Variants in FBXO34 observed in about 807,000 individuals in gnomAD.
FBXO34 encodes the protein F-box only protein 34.
FBXO34 carries 12 observed loss-of-function variants against 24.5 expected under a neutral mutation model. The observed-to-expected ratio is 0.49, with a 90% CI of 0.31 to 0.79. The LOEUF (loss-of-function observed/expected upper bound fraction) is 0.79. Among genes scored for constraint, FBXO34 ranks in the 30% least tolerant of loss-of-function variants. The probability of loss-of-function intolerance (pLI) is 0.04; values close to 1 mark genes in which losing one functional copy is unlikely to be tolerated. For missense variants in FBXO34, 823 were observed against 857.7 expected (o/e 0.96, Z 0.51); for synonymous variants, 320 against 311.9 (o/e 1.03, Z -0.27).
chr14:55,291,463 GA>G (rs1216569671), intron 1 of FBXO34, among the ~76,000 whole-genome samples: 4 of 152,158 alleles, frequency 2.6e-5, no homozygotes, highest in African/African-American at 9.7e-5. Context: ...AGGTAGATGA[GA>G]AACCCTTCTA....
chr14:55,298,498 T>G (rs140904777), intron 1 of FBXO34: 1 of 596,164 alleles, frequency 1.7e-6, no homozygotes, highest in Non-Finnish European at 3.0e-6. Context: ...TGAGCCCTTA[T>G]GTTTGTACCA....
the FBXO34 span, among the ~76,000 whole-genome samples, chr14:55,415,682 C>T: frequency 2.0e-5 from 3 of 151,828 alleles, no homozygotes; most frequent in Non-Finnish European, 4.4e-5. Context: ...CTGGCCAACA[C>T]GGCGAAACCC....
the FBXO34 span, among the ~76,000 whole-genome samples, chr14:55,415,520 A>G: frequency 2.0e-5 from 3 of 152,174 alleles, no homozygotes. Context: ...CACTATTCAC[A>G]CTTGCCAAAA....
At chr14:55,313,372 A>G (rs995323660) in intron 1 of FBXO34, among the ~76,000 whole-genome samples, 2 of 152,168 alleles carry the variant, frequency 1.3e-5, no homozygotes, top group Admixed American at 1.3e-4. Context: ...AGTTTCTAGG[A>G]AGTTCCAAAC....
the FBXO34 span, among the ~76,000 whole-genome samples, chr14:55,431,062 G>A: frequency 6.6e-6 from 1 of 152,234 alleles, no homozygotes; most frequent in African/African-American, 2.4e-5. Context: ...CACCCATACT[G>A]GTGTTAACTA....
the FBXO34 span, chr14:55,428,738 C>A: frequency 6.9e-7 from 1 of 1,452,074 alleles, no homozygotes; most frequent in Non-Finnish European, 9.3e-7. Flanking sequence ...AGATACTTTA[C>A]GTAAGCAACC....
the FBXO34 span, chr14:55,413,656 C>T: frequency 2.6e-6 from 1 of 384,254 alleles, no homozygotes. Context: ...TTCAGTTGAA[C>T]TCAGACACCT....
Position 55,350,516 on chromosome 14 carries a change from CA to C in FBXO34, c.127del (p.Ile43Ter). The C allele has an allele frequency of 6.2e-7, 1 of 1,613,914 alleles. No homozygotes were observed. Among genetic ancestry groups the C allele is most frequent in the South Asian group, 1.1e-5 (1 of 91,046 alleles). On this transcript the variant is annotated frameshift_variant, in exon 2 of 2. Transcript: ENST00000313833. LOFTEE classifies it low-confidence loss of function (END_TRUNC). ...ATGATGAAACATGCAAAGCTAGCCA[CA>C]TAACATCAAGTGTCTTTCCTTCAGC... is the stretch of plus-strand genomic sequence containing the variant. ...VNDETCKASH[I>X]TSSVFPSASL...
intron 1 of FBXO34, among the ~76,000 whole-genome samples, chr14:55,334,617 T>G (rs1356815752): frequency 6.6e-6 from 1 of 151,872 alleles, no homozygotes; most frequent in Non-Finnish European, 1.5e-5. Context: ...GGGTAAAGCA[T>G]GATAAAGATG....
At chr14:55,369,221 C>T (rs1035941584), downstream of FBXO34, 3 of 158,524 alleles carry the variant, frequency 1.9e-5, no homozygotes, top group African/African-American at 7.2e-5. Context: ...ATTCAACCAA[C>T]CTCTAAAACT....
intron 1 of FBXO34, among the ~76,000 whole-genome samples, chr14:55,280,110 A>G (rs1235437772): frequency 1.3e-5 from 2 of 152,234 alleles, no homozygotes; most frequent in African/African-American, 4.8e-5. Context: ...ACTAGTATTT[A>G]TATACATTTT....
the FBXO34 span, chr14:55,378,152 T>C: frequency 7.9e-7 from 1 of 1,263,900 alleles, no homozygotes; most frequent in Non-Finnish European, 1.1e-6. Context: ...TACAGTACAA[T>C]TAGGTATAAC....
chr14:55,279,094 G>A (rs72715752), intron 1 of FBXO34, among the ~76,000 whole-genome samples: 1,701 of 152,200 alleles, frequency 0.011, 14 homozygotes, highest in Middle Eastern at 0.027. Context: ...CAGGAGACCA[G>A]CCTGGTCAAG....
the FBXO34 span, among the ~76,000 whole-genome samples, chr14:55,408,847 C>T: frequency 2.1e-4 from 32 of 152,290 alleles, no homozygotes; most frequent in African/African-American, 7.7e-4. Flanking sequence ...GAGTCAAAAG[C>T]CCACATTTTA....
At chr14:55,409,755 T>C in the FBXO34 span, among the ~76,000 whole-genome samples, 2 of 152,146 alleles carry the variant, frequency 1.3e-5, no homozygotes, top group African/African-American at 2.4e-5. Flanking sequence ...ACAGATAATA[T>C]AGAACTTTGG....
chr14:55,378,877 T>C, the FBXO34 span, among the ~76,000 whole-genome samples: 3 of 152,082 alleles, frequency 2.0e-5, no homozygotes, highest in Non-Finnish European at 4.4e-5. Flanking sequence ...AGCTAATTTT[T>C]TTTTATTTTT....
downstream of FBXO34, among the ~76,000 whole-genome samples, chr14:55,363,155 T>C (rs1884616577): frequency 6.6e-6 from 1 of 151,306 alleles, no homozygotes; most frequent in South Asian, 2.1e-4. Flanking sequence ...CCTGAGTAGT[T>C]GGGATTACAA....
At chr14:55,369,772 C>G (rs371780921), downstream of FBXO34, 2 of 1,614,040 alleles carry the variant, frequency 1.2e-6, no homozygotes, top group African/African-American at 1.3e-5. Context: ...TATCACAAAA[C>G]CGGGGACTAG....
chr14:55,296,828 T>C (rs532355703), intron 1 of FBXO34, among the ~76,000 whole-genome samples: 22 of 152,376 alleles, frequency 1.4e-4, no homozygotes, highest in African/African-American at 5.0e-4. Context: ...TCTGATTCTT[T>C]AATGTGAATT....
Sources: allele counts gnomAD v4.1 joint callset (sites outside exome capture counted in the v4.1 genomes callset), GRCh38; gene constraint gnomAD v4.1.1; transcripts MANE v1.5; gene names NCBI Gene and HGNC (gene_info 2026-07-23, HGNC 2026-07-21).